Variants in GAB3 observed in about 807,000 individuals in gnomAD.
The protein encoded by GAB3 is GRB2 associated binding protein 3.
GAB3 carries 12 observed loss-of-function variants against 40.4 expected under a neutral mutation model. That is an observed-to-expected ratio of 0.30 (90% CI 0.19 to 0.48). The LOEUF (loss-of-function observed/expected upper bound fraction) is 0.48, where lower values mean the gene tolerates loss of function less well. Among genes scored for constraint, GAB3 ranks in the 20% least tolerant of loss-of-function variants. The pLI is 0.99. For missense variants in GAB3, 381 were observed against 461.9 expected (o/e 0.82, Z 1.61); for synonymous variants, 154 against 176.7 (o/e 0.87, Z 1.02).
intron 1 of GAB3, among the ~76,000 whole-genome samples, chrX:154,716,972 C>T (rs1238051202): frequency 1.8e-5 from 2 of 111,816 alleles, no homozygotes; most frequent in Non-Finnish European, 3.8e-5. Flanking sequence ...CTTGTCTAAG[C>T]GCTTTACTGT....
rs901389590 is a variant in GAB3 at position 154,719,814 on chromosome X, C to T, written c.73-3485G>A. On this transcript the variant is annotated intron_variant, in intron 1 of 9. Transcript: ENST00000424127. ...GGAAAATGGAAGACATGTGACAAAGCCCCTGAAAGCAGTCAGTCTGCCAGC... is the reference window on the plus strand; with the variant it reads ...GGAAAATGGAAGACATGTGACAAAGTCCCTGAAAGCAGTCAGTCTGCCAGC... Among the ~76,000 whole-genome samples, 10 of 111,785 alleles carry T rather than the reference C, an allele frequency of 8.9e-5. No individual in the cohort carries two copies. The East Asian group carries it at 2.8e-3, about 31-fold the overall frequency.
At chrX:154,689,003 G>A (rs889531173) in intron 8 of GAB3, among the ~76,000 whole-genome samples, 1 of 111,033 alleles carries the variant, frequency 9.0e-6, no homozygotes, top group African/African-American at 3.3e-5. Context: ...GAACATTGAT[G>A]CAAAAATCCT....
chrX:154,713,549 G>A, intron 2 of GAB3, 123 bp from the exon 3 acceptor site: 1 of 513,803 alleles, frequency 1.9e-6, no homozygotes, highest in South Asian at 3.0e-5. Flanking sequence ...TGTACTGATG[G>A]AGAAGACCAT....
chrX:154,707,485 A>G (rs2070829905), intron 4 of GAB3, among the ~76,000 whole-genome samples: 1 of 112,615 alleles, frequency 8.9e-6, no homozygotes, highest in Admixed American at 9.4e-5. Context: ...TCAGTTAAAA[A>G]TAAAAGAAAT....
intron 8 of GAB3, among the ~76,000 whole-genome samples, chrX:154,683,549 C>T (rs1422785862): frequency 1.8e-5 from 2 of 111,775 alleles, no homozygotes; most frequent in Non-Finnish European, 3.8e-5. Flanking sequence ...GGGAAGGGAT[C>T]TTGGAATTTA....
intron 1 of GAB3, among the ~76,000 whole-genome samples, chrX:154,725,038 C>G (rs1194884729): frequency 9.0e-6 from 1 of 111,465 alleles, no homozygotes; most frequent in African/African-American, 3.3e-5. Flanking sequence ...GAAATTGGAA[C>G]ACAGAGATGC....
intron 1 of GAB3, among the ~76,000 whole-genome samples, chrX:154,746,597 A>G (rs186592529): frequency 5.0e-4 from 56 of 112,632 alleles, no homozygotes; most frequent in African/African-American, 1.7e-3. Flanking sequence ...GTGCCTACAA[A>G]AAGCCTACAG....
At chrX:154,743,138 T>C (rs1239455752) in intron 1 of GAB3, among the ~76,000 whole-genome samples, 7 of 110,429 alleles carry the variant, frequency 6.3e-5, no homozygotes, top group Admixed American at 9.7e-5. Context: ...GCTAAATGTA[T>C]TAATGTGTGT....
chrX:154,714,531 G>A (rs1294495798), intron 2 of GAB3, among the ~76,000 whole-genome samples: 1 of 111,841 alleles, frequency 8.9e-6, no homozygotes, highest in East Asian at 2.8e-4. Flanking sequence ...CTCAGATGAA[G>A]AGGACCCTGC....
At chrX:154,683,072 A>G (rs2070396512) in intron 8 of GAB3, among the ~76,000 whole-genome samples, 1 of 112,609 alleles carries the variant, frequency 8.9e-6, no homozygotes, top group South Asian at 3.7e-4. Flanking sequence ...CTTTCATGCT[A>G]GAGTTCTCCT....
chrX:154,744,910 C>T (rs1167906919), intron 1 of GAB3, among the ~76,000 whole-genome samples: 3 of 112,185 alleles, frequency 2.7e-5, no homozygotes, highest in Non-Finnish European at 5.6e-5. Context: ...TGGGAAATTA[C>T]ATAAACTTCC....
At chrX:154,698,896 C>G (rs2070700252) in intron 6 of GAB3, among the ~76,000 whole-genome samples, 1 of 112,135 alleles carries the variant, frequency 8.9e-6, no homozygotes, top group African/African-American at 3.2e-5. Context: ...AAAGGCTATT[C>G]CTGACTGCCT....
At chrX:154,745,367 G>A (rs1218098869) in intron 1 of GAB3, among the ~76,000 whole-genome samples, 1 of 109,756 alleles carries the variant, frequency 9.1e-6, no homozygotes, top group Non-Finnish European at 1.9e-5. Context: ...AGCACTAAAT[G>A]CTTATATTAG....
chrX:154,747,072 C>G (rs1241204338), intron 1 of GAB3, among the ~76,000 whole-genome samples: 1 of 112,202 alleles, frequency 8.9e-6, no homozygotes, highest in East Asian at 2.8e-4. Context: ...ATGGTGTGAT[C>G]TCAGCTCACT....
intron 2 of GAB3, among the ~76,000 whole-genome samples, chrX:154,714,124 A>G (rs2071008144): frequency 9.0e-6 from 1 of 110,844 alleles, no homozygotes; most frequent in African/African-American, 3.3e-5. Context: ...ACCTGAGAAC[A>G]TGGTCCTTAA....
intron 4 of GAB3, among the ~76,000 whole-genome samples, chrX:154,711,259 A>C (rs1557255884): frequency 3.6e-5 from 4 of 112,205 alleles, no homozygotes; most frequent in Non-Finnish European, 3.8e-5. Context: ...AGAAAGAAAA[A>C]AGGAGAAAGA....
Position 154,712,245 on chromosome X carries a change from G to T in GAB3, c.1053C>A (p.Asn351Lys). Residue 351 changes from asparagine (N) to lysine (K), a missense_variant, in exon 4 of 10, where the codon AAC becomes AAA. Asn to Lys is a moderately conservative substitution (Grantham distance 94). This residue lies in a region of GAB3 where 364 missense variants were observed against 421.0 expected (regional missense o/e 0.86). Coordinates refer to ENST00000424127, the MANE Select transcript of GAB3 (RefSeq NM_001081573.3). The part of the protein sequence containing the change: ...PRRISLSGLD[N>K]MRTWKADVEG... ...AACACTTACCTTTCCAGGTTCTCATGTTGTCTAAACCAGAGAGGGAGATTC... is the reference window on the plus strand; with the variant it reads ...AACACTTACCTTTCCAGGTTCTCATTTTGTCTAAACCAGAGAGGGAGATTC... The T allele has an allele frequency of 2.5e-6, 3 of 1,191,432 alleles. No homozygotes were observed. The highest frequency in any genetic ancestry group is 3.4e-6 in the Non-Finnish European group (3 of 883,586).
chrX:154,698,575 T>C, intron 6 of GAB3, among the ~76,000 whole-genome samples: 1 of 111,948 alleles, frequency 8.9e-6, no homozygotes, highest in Non-Finnish European at 1.9e-5. Context: ...ATTCTACCAA[T>C]GCTTCCTTGT....
intron 1 of GAB3, among the ~76,000 whole-genome samples, chrX:154,745,998 G>A (rs1484940112): frequency 9.7e-6 from 1 of 103,400 alleles, no homozygotes; most frequent in Non-Finnish European, 2.0e-5. Context: ...GTTGCAGCGA[G>A]CCAAGATCGT....
Sources: allele counts gnomAD v4.1 joint callset (sites outside exome capture counted in the v4.1 genomes callset), GRCh38; gene constraint gnomAD v4.1.1; regional missense constraint gnomAD v4.1.1; transcripts MANE v1.5; gene names NCBI Gene and HGNC (gene_info 2026-07-23, HGNC 2026-07-21).